Variants in UMODL1 observed in about 807,000 individuals in gnomAD.
The protein encoded by UMODL1 is uromodulin-like 1.
UMODL1 carries 128 observed loss-of-function variants against 136.3 expected under a neutral mutation model. That is an observed-to-expected ratio of 0.94 (90% CI 0.81 to 1.09). UMODL1 has a LOEUF of 1.09. Ranked by LOEUF, UMODL1 falls within the 50% of genes least tolerant of loss-of-function variation. UMODL1 has a pLI of 0.00. For synonymous variants in UMODL1, 721 were observed against 720.0 expected (o/e 1.00, Z -0.02); for missense variants, 1,766 against 1,725.6 (o/e 1.02, Z -0.41).
chr21:42,088,108 T>C (rs1212738407), intron 4 of UMODL1, among the ~76,000 whole-genome samples, 186 bp from the exon 5 acceptor site: 3 of 152,230 alleles, frequency 2.0e-5, no homozygotes, highest in African/African-American at 4.8e-5. Context: ...AAGGTACTGA[T>C]AGTTCCGGTT....
chr21:42,117,028 A>G (rs1236521163), intron 14 of UMODL1, among the ~76,000 whole-genome samples: 1 of 152,106 alleles, frequency 6.6e-6, no homozygotes, highest in East Asian at 1.9e-4. Context: ...GTGAGCTGAG[A>G]TCTTGCCACT....
At chr21:42,120,149 A>G (rs988775186) in intron 15 of UMODL1, among the ~76,000 whole-genome samples, 4 of 152,254 alleles carry the variant, frequency 2.6e-5, no homozygotes, top group Non-Finnish European at 1.5e-5. Flanking sequence ...CTGTTTGCCC[A>G]TCAAATTGCA....
chr21:42,123,281 C>T lies in UMODL1; in HGVS notation c.3147+131C>T. ...GGAACCCAGCAAGGGGGGTTCAGGA[C>T]AGGGTTGAGTTCTCAACCAGGGACC... On this transcript the variant is annotated intron_variant, in intron 17 of 22. Transcript: ENST00000408910. The surrounding 1 kb of genome is among the most constrained non-coding windows in gnomAD (Gnocchi z 4.4). 3.6e-6 allele frequency: 4 copies of T among 1,107,646 alleles called. No individual in the cohort carries two copies. The highest frequency in any genetic ancestry group is 5.0e-6 in the Non-Finnish European group (4 of 797,414). 68.6% of individuals were successfully genotyped at this position (1,107,646 alleles called of 1,614,324 possible).
Position 42,127,071 on chromosome 21 carries a change from T to C in UMODL1, c.3359T>C (p.Ile1120Thr). 1.2e-6 allele frequency: 2 copies of C among 1,614,206 alleles called. No individual in the cohort carries two copies. The highest frequency in any genetic ancestry group is 1.7e-6 in the Non-Finnish European group (2 of 1,180,030). Residue 1120 changes from isoleucine to threonine, a missense_variant, in exon 19 of 23, where the codon ATC becomes ACC. Coordinates refer to ENST00000408910, the MANE Select transcript of UMODL1 (RefSeq NM_001004416.3). ...GNFVTEMQLF[I>T]GDSPIPQNYS... ...TTTGTTACCGAAATGCAGTTGTTTA[T>C]CGGAGACTCTCCCATACCTCAGAAT...
chr21:42,102,023 C>T, intron 7 of UMODL1, 143 bp from the exon 8 acceptor site: 1 of 594,584 alleles, frequency 1.7e-6, no homozygotes. Flanking sequence ...TTATTTCCCC[C>T]AATTAGGATA....
At chr21:42,068,557 A>C (rs547902466), upstream of UMODL1, among the ~76,000 whole-genome samples, 5 of 152,222 alleles carry the variant, frequency 3.3e-5, no homozygotes, top group East Asian at 9.7e-4. This position sits in a 1 kb window ranked among gnomAD's most constrained non-coding sequence, Gnocchi z 5.5. Flanking sequence ...CCTGAAAATA[A>C]ACCCAGCTGG....
chr21:42,129,093 A>G (rs889653593), intron 20 of UMODL1, among the ~76,000 whole-genome samples: 7 of 151,848 alleles, frequency 4.6e-5, no homozygotes, highest in South Asian at 2.1e-4. Context: ...CCCTCAGTAC[A>G]CATCTATGTT....
rs368410943 is a variant in UMODL1 at position 42,096,098 on chromosome 21, A to T, written c.932-2828A>T. On this transcript the variant is annotated intron_variant, in intron 6 of 22. Coordinates refer to ENST00000408910, the MANE Select transcript of UMODL1 (RefSeq NM_001004416.3). ...ATGGTGATGCTGGGTGCATAGTAGA[A>T]GCTCAATTAAAAAAAATTGAGCCAT... is the stretch of plus-strand genomic sequence containing the variant. Among the ~76,000 whole-genome samples, 16 of 152,312 alleles carry T rather than the reference A, an allele frequency of 1.1e-4. 3 individuals carry two copies. The highest frequency in any genetic ancestry group is 2.0e-4 in the Admixed American group (3 of 15,292).
intron 2 of UMODL1, among the ~76,000 whole-genome samples, chr21:42,077,449 T>C (rs220288): frequency 0.63 from 95,709 of 151,198 alleles, 30,958 homozygotes; most frequent in Middle Eastern, 0.69. Flanking sequence ...GAAAGAGGAG[T>C]GGGGGTCTAG....
chr21:42,105,356 C>T (rs1321169335), intron 9 of UMODL1, among the ~76,000 whole-genome samples: 1 of 152,162 alleles, frequency 6.6e-6, no homozygotes, highest in Admixed American at 6.5e-5. Context: ...CCGCCCTCCA[C>T]ACCTCCCTGC....
chr21:42,086,570 C>T (rs1439602021), intron 4 of UMODL1: 1 of 455,670 alleles, frequency 2.2e-6, no homozygotes, highest in South Asian at 1.5e-5. Flanking sequence ...AAGAAACTAG[C>T]TCTGAAGCCA....
chr21:42,087,118 T>C (rs2066435065), intron 4 of UMODL1, among the ~76,000 whole-genome samples: 1 of 152,212 alleles, frequency 6.6e-6, no homozygotes, highest in Admixed American at 6.5e-5. Flanking sequence ...GTGTTTTCAA[T>C]ATTGCTGCGT....
At chr21:42,102,508 T>C in intron 8 of UMODL1, 1 of 378,002 alleles carries the variant, frequency 2.6e-6, no homozygotes, top group South Asian at 4.4e-5. Flanking sequence ...CTTTAAGATA[T>C]GTGCCTTTAT....
chr21:42,103,863 G>C lies in UMODL1; in HGVS notation c.1300-5G>C. 3 of 1,614,166 alleles carry C rather than the reference G, an allele frequency of 1.9e-6. No individual in the cohort carries two copies. The highest frequency in any genetic ancestry group is 2.5e-6 in the Non-Finnish European group (3 of 1,180,016). On this transcript the variant is annotated splice_region_variant and splice_polypyrimidine_tract_variant and intron_variant, in intron 8 of 22. Coordinates refer to ENST00000408910, the MANE Select transcript of UMODL1 (RefSeq NM_001004416.3). ...GGATGTCTGCTGTTGCCTCTTCTTG[G>C]CTAGGTCGAGAGCTCCTTCCCACCA...
rs1454091635 is a variant in UMODL1, at chr21:42,112,783, G to GT, written c.2105-783dup. ...TGTCAGCTGTTCCGTACCCCCAGTT[G>GT]TTTTTTTACCCCCTAAGTGTTCTGT... On this transcript the variant is annotated intron_variant, in intron 12 of 22. Transcript: ENST00000408910. Among the ~76,000 whole-genome samples, 6 of 146,062 alleles carry GT rather than the reference G, an allele frequency of 4.1e-5. No homozygotes were observed. The East Asian group carries it at 6.1e-4, about 15-fold the overall frequency.
Position 42,122,605 on chromosome 21 carries a change from ATC to A in UMODL1, c.2828-222_2828-221del, listed in dbSNP as rs978447973. ...TGTGCATGTGTGTGCATGTGTGTGCATCTCTGCGTGCATGTGTGTGCATGCAC... is the reference window on the plus strand; with the variant it reads ...TGTGCATGTGTGTGCATGTGTGTGCATCTGCGTGCATGTGTGTGCATGCAC... On this transcript the variant is annotated intron_variant, in intron 16 of 22. Transcript: ENST00000408910. This position sits in a 1 kb window ranked among gnomAD's most constrained non-coding sequence, Gnocchi z 4.3. 5.0e-5 allele frequency among the ~76,000 whole-genome samples: 7 copies of A among 141,348 alleles called. No individual in the cohort carries two copies. In the East Asian group the frequency reaches 8.0e-4, roughly 16 times the overall value. The allele number at this position is 141,348 out of a possible 152,430, so 92.7% of individuals were successfully genotyped here.
In UMODL1 at chr21:42,076,196, G is replaced by A. The variant is rs201393334; in HGVS notation, c.268G>A (p.Val90Met). 1.4e-4 allele frequency: 224 copies of A among 1,614,252 alleles called. No individual in the cohort carries two copies. Among genetic ancestry groups the A allele is most frequent in the East Asian group, 2.0e-4 (9 of 44,886 alleles). The change falls in exon 2 of 23, where the codon GTG (valine) becomes ATG (methionine). Residue 90 changes from valine to methionine, a missense_variant. Coordinates refer to ENST00000408910, the MANE Select transcript of UMODL1 (RefSeq NM_001004416.3). ...AGTGGAGGTCCCCGAGTCCAGGAAC[G>A]TGACTGACTGCTGTGAGGGCTATGA... ...LVVEVPESRN[V>M]TDCCEGYEQL...
At chr21:42,100,897 G>C (rs1485171092) in intron 7 of UMODL1, among the ~76,000 whole-genome samples, 1 of 41,510 alleles carries the variant, frequency 2.4e-5, no homozygotes, top group Non-Finnish European at 4.3e-5. Flanking sequence ...CACCAACCCC[G>C]TGCCCTCCTC....
chr21:42,122,865 C>A lies in UMODL1; in HGVS notation c.2862C>A (p.Ser954Arg), dbSNP rs144736191. 5,008 of 1,607,356 alleles carry A rather than the reference C, an allele frequency of 3.1e-3. 13 individuals carry two copies. The highest frequency in any genetic ancestry group is 3.7e-3 in the Non-Finnish European group (4,345 of 1,174,980). The change falls in exon 17 of 23, where the codon AGC (serine) becomes AGA (arginine). Residue 954 changes from serine (S) to arginine (R), a missense_variant. Transcript: ENST00000408910. The surrounding 1 kb of genome is among the most constrained non-coding windows in gnomAD (Gnocchi z 4.3). ...CTGGCAATGAAACCTGGGCCACCAG[C>A]CCAGAGAGGCCTCTCACCACAGCAG... ...DSPGNETWATSPERPLTTAGT... is the reference protein window; with the variant it reads ...DSPGNETWATRPERPLTTAGT...
Sources: gnomAD v4.1 joint callset for allele counts (sites outside exome capture counted in the v4.1 genomes callset) on GRCh38, gnomAD v4.1.1 for gene constraint, Gnocchi (gnomAD v3.1) non-coding constraint, MANE v1.5 for transcripts, NCBI Gene and HGNC (gene_info 2026-07-23, HGNC 2026-07-21) for gene names.